Variants in MOCOS observed in about 807,000 individuals in gnomAD.
MOCOS encodes the protein human molybdenum cofactor sulfurase.
A neutral mutation model predicts 83.6 loss-of-function variants in MOCOS; 86 were observed. That is an observed-to-expected ratio of 1.03 (90% CI 0.86 to 1.23). The LOEUF is 1.23. MOCOS is among the 50% of genes most tolerant of loss of function. The pLI is 0.00. For synonymous variants in MOCOS, 445 were observed against 434.7 expected (o/e 1.02, Z -0.29); for missense variants, 1,120 against 1,126.9 (o/e 0.99, Z 0.09).
intron 4 of MOCOS, among the ~76,000 whole-genome samples, chr18:36,200,611 A>T (rs907886893): frequency 6.6e-6 from 1 of 152,200 alleles, no homozygotes; most frequent in Non-Finnish European, 1.5e-5. Context: ...AAAGGCCCTC[A>T]TGGGGTAAGG....
intron 13 of MOCOS, 36 bp downstream of exon 13, chr18:36,260,211 GGTTGTCAATGAAGATT>G: frequency 3.1e-6 from 5 of 1,613,676 alleles, no homozygotes; most frequent in Non-Finnish European, 4.2e-6. Context: ...CTTCCTCCAG[GGTTGTCAATGAAGATT>G]GACCTCAATC....
At chr18:36,216,090 G>A (rs990912668) in intron 8 of MOCOS, 113 bp downstream of exon 8, 1 of 1,164,466 alleles carries the variant, frequency 8.6e-7, no homozygotes, top group Admixed American at 2.2e-5. Flanking sequence ...GAGTGTTGTG[G>A]TGAGAAAAGC....
At chr18:36,239,263 C>T (rs541837733) in intron 9 of MOCOS, among the ~76,000 whole-genome samples, 30 of 151,988 alleles carry the variant, frequency 2.0e-4, no homozygotes, top group East Asian at 1.5e-3. Context: ...GATTTTGCAG[C>T]GGCTGGTACC....
chr18:36,265,560 G>A (rs981122102), intron 13 of MOCOS, among the ~76,000 whole-genome samples: 3 of 152,136 alleles, frequency 2.0e-5, no homozygotes, highest in African/African-American at 7.2e-5. Flanking sequence ...AAGTACCTTT[G>A]CACTTTTTAC....
intron 9 of MOCOS, among the ~76,000 whole-genome samples, chr18:36,226,353 G>A (rs1249414842): frequency 6.6e-6 from 1 of 151,796 alleles, no homozygotes; most frequent in Non-Finnish European, 1.5e-5. Context: ...CTCTCTTTTG[G>A]TTACCATTTG....
chr18:36,217,751 A>G lies in MOCOS; in HGVS notation c.1797+1774A>G, dbSNP rs80336643. On this transcript the variant is annotated intron_variant, in intron 8 of 14. Coordinates refer to ENST00000261326, the MANE Select transcript of MOCOS (RefSeq NM_017947.4). ...GGTTCAAAGAAGAAACGAGATGAAAACTGAATTGGTCTTGTAGCTTAGGAA... is the reference window on the plus strand; with the variant it reads ...GGTTCAAAGAAGAAACGAGATGAAAGCTGAATTGGTCTTGTAGCTTAGGAA... Among the ~76,000 whole-genome samples the G allele has an allele frequency of 1.1e-3, 171 of 152,308 alleles. No homozygotes were observed. In the East Asian group the frequency reaches 0.03, roughly 27 times the overall value.
Position 36,215,522 on chromosome 18 carries a change from C to T in MOCOS, c.1342C>T (p.His448Tyr). Residue 448 changes from histidine (H) to tyrosine (Y), a missense_variant, in exon 8 of 15, where the codon CAT becomes TAT. His to Tyr is a moderately conservative substitution (Grantham distance 83, BLOSUM62 2). Transcript: ENST00000261326. ...CACTTCCCTCTTATCCTAGGCTGGT[C>T]ATGTCTGTGGGGACAATATGGACCT... The part of the protein sequence containing the change: ...EMVRKHFQAG[H>Y]VCGDNMDLID... 3.1e-6 allele frequency: 5 copies of T among 1,613,826 alleles called. No individual in the cohort carries two copies. The highest frequency in any genetic ancestry group is 3.4e-6 in the Non-Finnish European group (4 of 1,179,952).
intron 13 of MOCOS, among the ~76,000 whole-genome samples, chr18:36,264,492 G>A (rs1205225655): frequency 6.6e-6 from 1 of 152,172 alleles, no homozygotes; most frequent in African/African-American, 2.4e-5. Flanking sequence ...CCACTGCAGG[G>A]ATCCTCGTGT....
At chr18:36,201,474 C>T (rs1445885122) in intron 4 of MOCOS, among the ~76,000 whole-genome samples, 1 of 151,800 alleles carries the variant, frequency 6.6e-6, no homozygotes, top group Non-Finnish European at 1.5e-5. Flanking sequence ...CCAGCCTGCC[C>T]AACATGGTGA....
At chr18:36,239,481 G>T (rs1219615140) in intron 9 of MOCOS, among the ~76,000 whole-genome samples, 1 of 151,650 alleles carries the variant, frequency 6.6e-6, no homozygotes, top group Non-Finnish European at 1.5e-5. Context: ...CTTCTGGCTT[G>T]TAGGGTTTCT....
chr18:36,228,953 C>A (rs1023812457), intron 9 of MOCOS, among the ~76,000 whole-genome samples: 1 of 151,882 alleles, frequency 6.6e-6, no homozygotes, highest in Non-Finnish European at 1.5e-5. Context: ...CAAGCATTAG[C>A]CATTGTGGAC....
In MOCOS at chr18:36,213,480, C is replaced by G; in HGVS notation, c.1333C>G (p.Gln445Glu). The G allele has an allele frequency of 6.2e-7, 1 of 1,611,300 alleles. No homozygotes were observed. The highest frequency in any genetic ancestry group is 8.5e-7 in the Non-Finnish European group (1 of 1,177,984). ...ISNEMVRKHF[Q>E]AGHVCGDNMD... The stretch of plus-strand genomic sequence containing the variant: ...CAACGAGATGGTCAGGAAGCATTTT[C>G]AGGTTGGTACAGGGCTCTGCGATCC... The change falls in exon 7 of 15, where the codon CAG (glutamine) becomes GAG (glutamate). Residue 445 changes from glutamine (Q) to glutamate (E), a missense_variant and splice_region_variant. Physicochemically the swap from Gln to Glu is conservative, Grantham distance 29 (BLOSUM62 2). Coordinates refer to ENST00000261326, the MANE Select transcript of MOCOS (RefSeq NM_017947.4).
intron 7 of MOCOS, 109 bp downstream of exon 7, chr18:36,213,591 G>A (rs879800722): frequency 8.0e-5 from 71 of 889,226 alleles, no homozygotes; most frequent in Middle Eastern, 6.5e-4. Flanking sequence ...ATTTCTCCAC[G>A]CCTACTCTGT....
chr18:36,268,615 C>T lies in MOCOS; in HGVS notation c.2597C>T (p.Pro866Leu). 6.2e-7 allele frequency: 1 copy of T among 1,614,032 alleles called. No individual in the cohort carries two copies. Among genetic ancestry groups the T allele is most frequent in the Non-Finnish European group, 8.5e-7 (1 of 1,179,986 alleles). The stretch of plus-strand genomic sequence containing the variant: ...CTGTCTGTAGGATCTCAGGTGCTCC[C>T]TGTGTTGAAAGAGAATGTGGAAGGT... ...CFLSVGSQVL[P>L]VLKENVEGHD... Residue 866 changes from proline to leucine, a missense_variant, in exon 15 of 15, where the codon CCT (proline) becomes CTT (leucine). Transcript: ENST00000261326.
At chr18:36,216,082 G>GT in intron 8 of MOCOS, 105 bp downstream of exon 8, 4 of 1,221,222 alleles carry the variant, frequency 3.3e-6, no homozygotes, top group Non-Finnish European at 3.4e-6. Flanking sequence ...ATTCATCAGA[G>GT]TGTTGTGGTG....
At position 36,271,417 on chromosome 18, in the gene MOCOS, A is replaced by T. The variant is rs562326751; in HGVS notation, c.*2732A>T. On this transcript the variant is annotated 3_prime_UTR_variant, in exon 15 of 15. Transcript: ENST00000261326. ...ATTTTTTCTTTAGTGTCTACCTTCA[A>T]TATTTCTTGTATGAAGTTTCAGCTA... 7.2e-5 allele frequency: 11 copies of T among 152,214 alleles called. No individual in the cohort carries two copies. In the East Asian group the frequency reaches 1.9e-3, roughly 27 times the overall value. 9.4% of individuals were successfully genotyped at this position (152,214 alleles called of 1,614,324 possible). A position where few individuals can be genotyped will look rare whatever the true frequency, so the allele number is the denominator to read the frequency against.
chr18:36,207,113 T>G (rs1344009029), intron 6 of MOCOS, among the ~76,000 whole-genome samples: 1 of 152,208 alleles, frequency 6.6e-6, no homozygotes, highest in African/African-American at 2.4e-5. Flanking sequence ...CTCAGTTCAC[T>G]GCAAACTCCG....
intron 6 of MOCOS, among the ~76,000 whole-genome samples, chr18:36,209,829 G>A (rs538930491): frequency 9.2e-5 from 14 of 151,870 alleles, no homozygotes; most frequent in Non-Finnish European, 1.8e-4. Flanking sequence ...ACATAATGAC[G>A]TTTTCTTTGG....
intron 6 of MOCOS, among the ~76,000 whole-genome samples, chr18:36,208,834 A>G (rs1022340575): frequency 6.6e-6 from 1 of 152,162 alleles, no homozygotes; most frequent in East Asian, 1.9e-4. Context: ...ATTATGTTGA[A>G]AAGGAGTGGT....
Sources: gnomAD v4.1 joint callset for allele counts (sites outside exome capture counted in the v4.1 genomes callset) on GRCh38, gnomAD v4.1.1 for gene constraint, MANE v1.5 for transcripts, NCBI Gene and HGNC (gene_info 2026-07-23, HGNC 2026-07-21) for gene names.